Variants in USP31 observed in about 807,000 individuals in gnomAD.
The protein encoded by USP31 is ubiquitin specific peptidase 31, also known as ubiquitin carboxyl-terminal hydrolase 31.
USP31 carries 44 observed loss-of-function variants against 119.4 expected under a neutral mutation model. The ratio of observed to expected loss-of-function variants is 0.37; its 90% CI spans 0.29 to 0.47. The LOEUF is 0.47. Ranked by LOEUF, USP31 falls within the 20% of genes least tolerant of loss-of-function variation. USP31 has a pLI of 0.99. For synonymous variants in USP31, 749 were observed against 705.6 expected (o/e 1.06, Z -0.97); for missense variants, 1,643 against 1,730.2 (o/e 0.95, Z 0.89).
Position 23,115,778 on chromosome 16 carries a change from T to G in USP31, c.634-7595A>C, listed in dbSNP as rs1902467498. On this transcript the variant is annotated intron_variant, in intron 1 of 15. Coordinates refer to ENST00000219689, the MANE Select transcript of USP31 (RefSeq NM_020718.4). ...AAAACACTTACCGGGTTTTCAAGTT[T>G]CACAAAATTTCTCCTTACCCTTCAA... 1.1e-5 allele frequency: 11 copies of G among 984,556 alleles called. 1 individual carries two copies. Among genetic ancestry groups the G allele is most frequent in the Middle Eastern group, 5.2e-4 (1 of 1,934 alleles). 61.0% of individuals were successfully genotyped at this position (984,556 alleles called of 1,614,324 possible). A position where few individuals can be genotyped will look rare whatever the true frequency, so the allele number is the denominator to read the frequency against.
chr16:23,141,345 T>C (rs919377639), intron 1 of USP31, among the ~76,000 whole-genome samples: 10 of 152,088 alleles, frequency 6.6e-5, no homozygotes, highest in African/African-American at 2.4e-4. Flanking sequence ...TTCCCTCTCA[T>C]ACACCTATCT....
intron 14 of USP31, among the ~76,000 whole-genome samples, chr16:23,073,404 T>A (rs1415089819): frequency 1.3e-5 from 2 of 152,208 alleles, no homozygotes; most frequent in Non-Finnish European, 2.9e-5. Context: ...GGCTCCAGGA[T>A]AACCCCAGGA....
Position 23,064,135 on chromosome 16 carries a change from T to A in USP31, c.*3911A>T, listed in dbSNP as rs1243068452. On this transcript the variant is annotated 3_prime_UTR_variant, in exon 16 of 16. Coordinates refer to ENST00000219689, the MANE Select transcript of USP31 (RefSeq NM_020718.4). ...ACGCACCTCCAGAATACGTGTTTTA[T>A]TGAAACTGTGCTTATGACTTGCATA... 6.6e-6 allele frequency: 1 copy of A among 152,650 alleles called. No homozygotes were observed. Among genetic ancestry groups the A allele is most frequent in the Non-Finnish European group, 1.5e-5 (1 of 68,038 alleles). 9.5% of individuals were successfully genotyped at this position (152,650 alleles called of 1,614,324 possible).
Position 23,149,162 on chromosome 16 carries a change from C to G in USP31, c.109G>C (p.Gly37Arg). The G allele has an allele frequency of 1.7e-6, 2 of 1,168,998 alleles. No individual in the cohort carries two copies. The highest frequency in any genetic ancestry group is 2.1e-6 in the Non-Finnish European group (2 of 943,620). The allele number at this position is 1,168,998 out of a possible 1,614,324, so 72.4% of individuals were successfully genotyped here. Reference sequence around the variant, plus strand: ...CCGGACGCCCCGGGGCCCCCCGCGCCGCCGCCGCCAGCGCGGCCGCTCCGA... The same window carrying G: ...CCGGACGCCCCGGGGCCCCCCGCGCGGCCGCCGCCAGCGCGGCCGCTCCGA... ...LFRSGRAGGG[G>R]AGGPGASGPA... Residue 37 changes from glycine (G) to arginine (R), a missense_variant, in exon 1 of 16, where the codon GGC (glycine) becomes CGC (arginine). Physicochemically the swap from Gly to Arg is moderately radical, Grantham distance 125 (BLOSUM62 -2). Transcript: ENST00000219689.
chr16:23,115,442 G>A (rs1902457774), intron 1 of USP31, among the ~76,000 whole-genome samples: 1 of 152,118 alleles, frequency 6.6e-6, no homozygotes, highest in Non-Finnish European at 1.5e-5. Context: ...AGGATGGCTT[G>A]AGCCCAGTTC....
At chr16:23,095,273 A>G (rs1377570419) in intron 6 of USP31, among the ~76,000 whole-genome samples, 2 of 152,222 alleles carry the variant, frequency 1.3e-5, no homozygotes, top group Admixed American at 6.5e-5. Context: ...TTAATGAAAT[A>G]AAGCAAGAAC....
chr16:23,132,235 A>G (rs1903051464), intron 1 of USP31, among the ~76,000 whole-genome samples: 1 of 152,238 alleles, frequency 6.6e-6, no homozygotes, highest in South Asian at 2.1e-4. Flanking sequence ...TAATTAGCAG[A>G]GCAAACAATA....
At chr16:23,100,603 T>C (rs1901806340) in intron 6 of USP31, among the ~76,000 whole-genome samples, 1 of 152,074 alleles carries the variant, frequency 6.6e-6, no homozygotes, top group Admixed American at 6.6e-5. Context: ...TGAAACCCTA[T>C]CTCTACTAAA....
At chr16:23,077,059 T>C (rs1012749279) in intron 13 of USP31, among the ~76,000 whole-genome samples, 3 of 152,252 alleles carry the variant, frequency 2.0e-5, no homozygotes, top group Admixed American at 6.5e-5. Context: ...ATTATCATCA[T>C]TGAAATATGG....
At chr16:23,105,682 C>A in intron 4 of USP31, 106 bp from the exon 5 acceptor site, 1 of 1,274,364 alleles carries the variant, frequency 7.8e-7, no homozygotes, top group South Asian at 2.3e-5. Context: ...TAAAGCTAAC[C>A]CACACTGTTA....
chr16:23,111,458 A>T lies in USP31; in HGVS notation c.634-3275T>A, dbSNP rs141257605. Reference sequence around the variant, plus strand: ...TAAAAAAGGAGGAAGTCCAGGAAAGAGTTCGCGGAATGAGTCCCCCCTTTC... The same window carrying T: ...TAAAAAAGGAGGAAGTCCAGGAAAGTGTTCGCGGAATGAGTCCCCCCTTTC... On this transcript the variant is annotated intron_variant, in intron 1 of 15. Coordinates refer to ENST00000219689, the MANE Select transcript of USP31 (RefSeq NM_020718.4). Among the ~76,000 whole-genome samples the T allele has an allele frequency of 7.2e-5, 11 of 152,340 alleles. No individual in the cohort carries two copies. In the East Asian group the frequency reaches 2.1e-3, roughly 29 times the overall value.
At position 23,106,427 on chromosome 16, in the gene USP31, C is replaced by T. The variant is rs1902107277; in HGVS notation, c.832G>A (p.Val278Ile). ...GPSFPVCSTF[V>I]QELFQAQYRS... ...TATTGCGCTTGAAAGAGTTCTTGTACAAAAGTGCTACAGACAGGGAAAGAT... is the reference window on the plus strand; with the variant it reads ...TATTGCGCTTGAAAGAGTTCTTGTATAAAAGTGCTACAGACAGGGAAAGAT... Residue 278 changes from valine (V) to isoleucine (I), a missense_variant, in exon 3 of 16, where the codon GTA (valine) becomes ATA (isoleucine). Coordinates refer to ENST00000219689, the MANE Select transcript of USP31 (RefSeq NM_020718.4). 5 of 1,613,636 alleles carry T rather than the reference C, an allele frequency of 3.1e-6. No individual in the cohort carries two copies. Among genetic ancestry groups the T allele is most frequent in the Non-Finnish European group, 3.4e-6 (4 of 1,179,864 alleles).
At chr16:23,147,134 T>G (rs1468150233) in intron 1 of USP31, among the ~76,000 whole-genome samples, 3 of 152,094 alleles carry the variant, frequency 2.0e-5, no homozygotes, top group Admixed American at 6.5e-5. Context: ...TTTTTACAGA[T>G]AGAGTTTCCT....
At chr16:23,121,451 G>A (rs930638917) in intron 1 of USP31, among the ~76,000 whole-genome samples, 9 of 152,180 alleles carry the variant, frequency 5.9e-5, no homozygotes, top group African/African-American at 2.2e-4. Flanking sequence ...TCCCAGCCTA[G>A]GCCTGGCCTG....
chr16:23,105,758 C>A (rs965206316), intron 4 of USP31, among the ~76,000 whole-genome samples, 182 bp from the exon 5 acceptor site: 1 of 152,178 alleles, frequency 6.6e-6, no homozygotes, highest in African/African-American at 2.4e-5. Context: ...TCATCAAGAT[C>A]TTTGGAAAAG....
At chr16:23,074,203 T>C (rs1900466918) in intron 13 of USP31, among the ~76,000 whole-genome samples, 1 of 152,094 alleles carries the variant, frequency 6.6e-6, no homozygotes, top group African/African-American at 2.4e-5. Context: ...GGAGATGTTT[T>C]TGATTGTCAC....
chr16:23,139,938 G>T (rs907443978), intron 1 of USP31, among the ~76,000 whole-genome samples: 1 of 151,786 alleles, frequency 6.6e-6, no homozygotes, highest in African/African-American at 2.4e-5. Context: ...TTACCACTAC[G>T]CCTCTTGTAG....
intron 11 of USP31, among the ~76,000 whole-genome samples, chr16:23,083,155 A>G (rs1404546136): frequency 1.3e-5 from 2 of 152,146 alleles, no homozygotes; most frequent in African/African-American, 2.4e-5. Context: ...TGTGCCATGC[A>G]CTGCTCTGGA....
chr16:23,099,628 A>G (rs1490866671), intron 6 of USP31, among the ~76,000 whole-genome samples: 3 of 152,244 alleles, frequency 2.0e-5, no homozygotes. Flanking sequence ...TTTGGATTTG[A>G]TAAAGTGTCA....
Sources: allele counts gnomAD v4.1 joint callset (sites outside exome capture counted in the v4.1 genomes callset), GRCh38; gene constraint gnomAD v4.1.1; transcripts MANE v1.5; gene names NCBI Gene and HGNC (gene_info 2026-07-23, HGNC 2026-07-21).